Variants in STK3 observed in about 807,000 individuals in gnomAD.
STK3 encodes serine/threonine kinase 3.
Under a neutral mutation model 58.0 loss-of-function variants are expected in STK3, and 41 were observed. The ratio of observed to expected loss-of-function variants is 0.71; its 90% CI spans 0.55 to 0.92. The LOEUF (loss-of-function observed/expected upper bound fraction) is 0.92. STK3 is among the 40% of genes least tolerant of loss of function. STK3 has a pLI of 0.00. For synonymous variants in STK3, 170 were observed against 191.0 expected (o/e 0.89, Z 0.91); for missense variants, 479 against 602.7 (o/e 0.79, Z 2.15).
chr8:98,774,541 CCTA>C (rs1831535073), intron 2 of STK3, among the ~76,000 whole-genome samples, 195 bp downstream of exon 2: 2 of 152,206 alleles, frequency 1.3e-5, no homozygotes, highest in African/African-American at 2.4e-5. Flanking sequence ...ATATATATGG[CCTA>C]CTTTCTCTGA....
Position 98,653,093 on chromosome 8 carries a change from C to A in STK3, c.684+53374G>T, listed in dbSNP as rs1322436428. On this transcript the variant is annotated intron_variant, in intron 6 of 10. Transcript: ENST00000419617. ...CCACATAGCTGGAAGTAAAGCTCTC[C>A]TCAGCAAATGTAAAAGAACACAAAT... Among the ~76,000 whole-genome samples, 12 of 152,338 alleles carry A rather than the reference C, an allele frequency of 7.9e-5. No homozygotes were observed. The East Asian group carries it at 2.3e-3, about 29-fold the overall frequency.
At chr8:98,360,682 G>T in the STK3 span, among the ~76,000 whole-genome samples, 1 of 152,112 alleles carries the variant, frequency 6.6e-6, no homozygotes, top group African/African-American at 2.4e-5. Context: ...CTCACTCACA[G>T]ACACTTTCAT....
intron 6 of STK3, among the ~76,000 whole-genome samples, chr8:98,633,019 A>C (rs1299524937): frequency 2.0e-5 from 3 of 152,198 alleles, no homozygotes; most frequent in Non-Finnish European, 4.4e-5. Flanking sequence ...TGAAGACACA[A>C]AATAAAAATT....
At chr8:98,799,898 G>A (rs1268843100) in intron 1 of STK3, among the ~76,000 whole-genome samples, 9 of 152,222 alleles carry the variant, frequency 5.9e-5, no homozygotes, top group African/African-American at 2.2e-4. Flanking sequence ...CTCCAAAACT[G>A]CCGAGGCCTA....
At chr8:98,375,131 T>C (rs900611202) in intron 2 of STK3, among the ~76,000 whole-genome samples, 2 of 151,924 alleles carry the variant, frequency 1.3e-5, no homozygotes, top group African/African-American at 2.4e-5. Flanking sequence ...GGCTCATGCC[T>C]GTAGTCCCTG....
chr8:98,537,419 C>T (rs975304217), intron 9 of STK3, among the ~76,000 whole-genome samples: 7 of 152,052 alleles, frequency 4.6e-5, no homozygotes, highest in African/African-American at 7.2e-5. Flanking sequence ...TGCCACAATG[C>T]GCAGCTGAGT....
intron 3 of STK3, among the ~76,000 whole-genome samples, chr8:98,752,946 C>CAAAAAA (rs35305701): frequency 7.8e-6 from 1 of 128,318 alleles, no homozygotes; most frequent in Non-Finnish European, 1.7e-5. Flanking sequence ...ATTAAAAAGT[C>CAAAAAA]AAAAAAAAAA....
chr8:98,527,457 A>C lies in STK3; in HGVS notation c.1142-540T>G, dbSNP rs561056199. On this transcript the variant is annotated intron_variant, in intron 9 of 10. Transcript: ENST00000419617. ...AACATAGTGAAACTCTGTCTCTATAAAAAATACAAAAAATTAGCCAGGTGT... is the reference window on the plus strand; with the variant it reads ...AACATAGTGAAACTCTGTCTCTATACAAAATACAAAAAATTAGCCAGGTGT... 1.8e-4 allele frequency among the ~76,000 whole-genome samples: 27 copies of C among 152,012 alleles called. No individual in the cohort carries two copies. The East Asian group carries it at 2.7e-3, about 15-fold the overall frequency.
At chr8:98,504,485 T>C (rs988415600) in intron 10 of STK3, among the ~76,000 whole-genome samples, 2 of 152,196 alleles carry the variant, frequency 1.3e-5, no homozygotes, top group African/African-American at 4.8e-5. Context: ...TTCCTAGCAT[T>C]GACAGTCTTT....
the STK3 span, among the ~76,000 whole-genome samples, chr8:98,359,795 AATCTCAGAGGCTC>A: frequency 1.3e-5 from 2 of 152,120 alleles, no homozygotes; most frequent in Non-Finnish European, 2.9e-5. Flanking sequence ...TCTCTGGGGA[AATCTCAGAGGCTC>A]ATCTCTTGCC....
chr8:98,450,820 A>G (rs1342396053), downstream of STK3, among the ~76,000 whole-genome samples: 2 of 152,182 alleles, frequency 1.3e-5, no homozygotes, highest in Non-Finnish European at 2.9e-5. Context: ...AAGTCATCCA[A>G]CAACAGTCCT....
chr8:98,428,462 C>T lies in STK3; in HGVS notation n.483+5665G>A. On this transcript the variant is annotated intron_variant and non_coding_transcript_variant, in intron 3 of 3. Coordinates refer to the STK3 transcript ENST00000517832. The surrounding 1 kb of genome is among the most constrained non-coding windows in gnomAD (Gnocchi z 6.7). ...CCTTCTACAACGACGCCTCCAAGTT[C>T]GATGGGCAGCCCCTCGGCAACTTCC... 1.2e-6 allele frequency: 2 copies of T among 1,614,152 alleles called. No homozygotes were observed. The highest frequency in any genetic ancestry group is 1.7e-6 in the Non-Finnish European group (2 of 1,180,046).
intron 6 of STK3, among the ~76,000 whole-genome samples, chr8:98,689,027 G>A (rs1384205906): frequency 6.6e-6 from 1 of 152,032 alleles, no homozygotes; most frequent in African/African-American, 2.4e-5. Context: ...ATTAAAAAAG[G>A]AAAGAGAGAA....
intron 4 of STK3, among the ~76,000 whole-genome samples, chr8:98,713,998 T>G (rs1352276963): frequency 1.3e-5 from 2 of 152,090 alleles, no homozygotes; most frequent in Non-Finnish European, 2.9e-5. Context: ...ATAAACATAA[T>G]CCAGCATATA....
chr8:98,348,222 T>C, the STK3 span, among the ~76,000 whole-genome samples: 1 of 152,196 alleles, frequency 6.6e-6, no homozygotes, highest in African/African-American at 2.4e-5. Context: ...AAGATGGAAC[T>C]AGACAAAGAC....
intron 4 of STK3, among the ~76,000 whole-genome samples, chr8:98,707,637 T>C (rs1587369437): frequency 1.3e-5 from 2 of 152,014 alleles, no homozygotes; most frequent in African/African-American, 2.4e-5. Context: ...ACTCTTTGCT[T>C]CAAACAATTC....
rs190556521 is a variant in STK3, at chr8:98,841,118, A to G, written c.110+42529T>C. Among the ~76,000 whole-genome samples, 1,065 of 152,326 alleles carry G rather than the reference A, an allele frequency of 7.0e-3. 9 individuals carry two copies. The highest frequency in any genetic ancestry group is 0.024 in the African/African-American group (999 of 41,572). ...CAAGTGGAGAGAAGACAAGAGAGCAAGCAAAATGGAAGTCACAGTCTTTTG... is the reference window on the plus strand; with the variant it reads ...CAAGTGGAGAGAAGACAAGAGAGCAGGCAAAATGGAAGTCACAGTCTTTTG... On this transcript the variant is annotated intron_variant, in intron 3 of 12. Coordinates refer to the STK3 transcript ENST00000523601.
intron 1 of STK3, among the ~76,000 whole-genome samples, chr8:98,923,853 GT>G (rs1839672570): frequency 9.9e-6 from 1 of 101,476 alleles, no homozygotes; most frequent in Admixed American, 1.0e-4. Context: ...GTGTGTGTGT[GT>G]GCGCGCGCGC....
intron 9 of STK3, among the ~76,000 whole-genome samples, chr8:98,539,817 G>A (rs916084899): frequency 2.0e-5 from 3 of 152,034 alleles, no homozygotes; most frequent in African/African-American, 7.2e-5. Flanking sequence ...GCTGTTGCGG[G>A]ATCTCAGCTC....
Sources: gnomAD v4.1 joint callset for allele counts (sites outside exome capture counted in the v4.1 genomes callset) on GRCh38, gnomAD v4.1.1 for gene constraint, Gnocchi (gnomAD v3.1) non-coding constraint, MANE v1.5 for transcripts, NCBI Gene and HGNC (gene_info 2026-07-23, HGNC 2026-07-21) for gene names.